The following USP10 variants were observed in gnomAD, a reference collection of about 807,000 sequenced individuals.
USP10 encodes ubiquitin carboxyl-terminal hydrolase 10.
Under a neutral mutation model 84.5 loss-of-function variants are expected in USP10, and 22 were observed. The ratio of observed to expected loss-of-function variants is 0.26; its 90% CI spans 0.19 to 0.37. USP10 has a LOEUF of 0.37. Ranked by LOEUF, USP10 falls within the 10% of genes least tolerant of loss-of-function variation. The pLI is 1.00. For missense variants in USP10, 1,019 were observed against 998.9 expected (o/e 1.02, Z -0.27); for synonymous variants, 454 against 387.6 (o/e 1.17, Z -2.01).
chr16:84,772,742 G>C (rs1914589999), intron 12 of USP10, 57 bp downstream of exon 12: 1 of 1,595,834 alleles, frequency 6.3e-7, no homozygotes, highest in Non-Finnish European at 8.6e-7. Context: ...CACATCAGAA[G>C]CTCAACCCTG....
intron 4 of USP10, among the ~76,000 whole-genome samples, chr16:84,748,014 C>T (rs760028733): frequency 1.6e-4 from 24 of 151,292 alleles, no homozygotes; most frequent in Non-Finnish European, 2.2e-4. Flanking sequence ...ATCAGCCAGG[C>T]GTGGTGGCGG....
intron 10 of USP10, 99 bp downstream of exon 10, chr16:84,764,362 A>T (rs1405243772): frequency 1.3e-6 from 2 of 1,500,934 alleles, no homozygotes; most frequent in East Asian, 2.3e-5. Context: ...GACTTCTTGG[A>T]CGTAATGGTT....
At chr16:84,774,215 C>A (rs1471321505) in intron 12 of USP10, among the ~76,000 whole-genome samples, 1 of 151,784 alleles carries the variant, frequency 6.6e-6, no homozygotes, top group Non-Finnish European at 1.5e-5. Flanking sequence ...TGCACTCCAG[C>A]CTGGGCAACA....
chr16:84,774,981 T>C (rs927204147), intron 12 of USP10, among the ~76,000 whole-genome samples, 179 bp from the exon 13 acceptor site: 13 of 152,204 alleles, frequency 8.5e-5, no homozygotes, highest in Admixed American at 6.5e-4. Context: ...TCCTATTACG[T>C]CACATGGCTC....
intron 11 of USP10, among the ~76,000 whole-genome samples, chr16:84,769,272 C>G (rs9921311): frequency 0.013 from 1,938 of 152,274 alleles, 44 homozygotes; most frequent in African/African-American, 0.045. Flanking sequence ...ATCTTGTGTG[C>G]TCTGAGTCAG....
chr16:84,715,009 A>C (rs563348301), intron 1 of USP10, among the ~76,000 whole-genome samples: 268 of 151,504 alleles, frequency 1.8e-3, no homozygotes, highest in African/African-American at 6.2e-3. Context: ...GCTCACTGCA[A>C]CCTCTGCCTC....
chr16:84,719,281 G>A (rs1310467331), intron 1 of USP10, among the ~76,000 whole-genome samples: 1 of 152,152 alleles, frequency 6.6e-6, no homozygotes. Context: ...ACTGAATGGA[G>A]AAGTAGCTCC....
At chr16:84,746,003 A>G (rs1911183552) in intron 4 of USP10, among the ~76,000 whole-genome samples, 1 of 151,996 alleles carries the variant, frequency 6.6e-6, no homozygotes, top group South Asian at 2.1e-4. Flanking sequence ...TCTGTGATAT[A>G]CCTTTGGTAT....
rs568078546 is a variant in USP10, at chr16:84,772,204, A to G, written c.1999-337A>G. ...GTAGCTGGGGTTACAGGCGCCCACCACCACGCCTGGCTAATTTTGTATTTT... is the reference window on the plus strand; with the variant it reads ...GTAGCTGGGGTTACAGGCGCCCACCGCCACGCCTGGCTAATTTTGTATTTT... On this transcript the variant is annotated intron_variant, in intron 11 of 13. Transcript: ENST00000219473. 3.8e-4 allele frequency among the ~76,000 whole-genome samples: 58 copies of G among 152,036 alleles called. 1 individual carries two copies. In the South Asian group the frequency reaches 5.2e-3, roughly 14 times the overall value.
intron 4 of USP10, among the ~76,000 whole-genome samples, chr16:84,757,772 A>G (rs751465865): frequency 2.0e-5 from 3 of 152,134 alleles, no homozygotes; most frequent in South Asian, 4.1e-4. Context: ...TGGCTATGCT[A>G]CCTGGCTCCT....
In USP10 at chr16:84,740,364, C is replaced by T. The variant is rs777947257; in HGVS notation, c.146C>T (p.Pro49Leu). 1.2e-6 allele frequency: 2 copies of T among 1,612,496 alleles called. No homozygotes were observed. Among genetic ancestry groups the T allele is most frequent in the South Asian group, 1.1e-5 (1 of 90,920 alleles). ...LCGTQAVDKL[P>L]DGQEYQRIEF... The stretch of plus-strand genomic sequence containing the variant: ...GGCACACAGGCTGTGGATAAACTAC[C>T]TGATGGTAAGCTAGTTCTCTCCTTA... The change falls in exon 3 of 14, where the codon CCT (proline) becomes CTT (leucine). Residue 49 changes from proline (P) to leucine (L), a missense_variant. By Grantham distance (98) the Pro-to-Leu change is moderately conservative. Transcript: ENST00000219473.
chr16:84,775,308 A>G (rs1258876607), intron 13 of USP10, 83 bp downstream of exon 13: 5 of 1,384,092 alleles, frequency 3.6e-6, no homozygotes, highest in African/African-American at 1.4e-5. Flanking sequence ...GCTGCAACTT[A>G]GCATAGCGAC....
chr16:84,757,549 C>A (rs1451637133), intron 4 of USP10, among the ~76,000 whole-genome samples: 1 of 151,908 alleles, frequency 6.6e-6, no homozygotes, highest in Non-Finnish European at 1.5e-5. Flanking sequence ...TGAGCGATGC[C>A]TTAGATGGAT....
intron 1 of USP10, chr16:84,704,797 G>T: frequency 6.5e-7 from 1 of 1,535,554 alleles, no homozygotes; most frequent in South Asian, 1.2e-5. Flanking sequence ...AGCTCTACCA[G>T]CACTGCCATT....
chr16:84,727,462 AC>A (rs1284634599), intron 1 of USP10, among the ~76,000 whole-genome samples: 5 of 71,312 alleles, frequency 7.0e-5, no homozygotes, highest in African/African-American at 1.2e-4. Flanking sequence ...CTTTAAAAAA[AC>A]AAACAAACAA....
chr16:84,715,715 C>G (rs1306576158), intron 1 of USP10, among the ~76,000 whole-genome samples: 2 of 152,122 alleles, frequency 1.3e-5, no homozygotes. Context: ...TTTAGTGGCT[C>G]ATGTAACTAG....
rs947440331 is a variant in USP10, at chr16:84,735,207, G to A, written c.90+1704G>A. Among the ~76,000 whole-genome samples, 33 of 62,416 alleles carry A rather than the reference G, an allele frequency of 5.3e-4. 1 individual carries two copies. The highest frequency in any genetic ancestry group is 8.8e-3 in the Middle Eastern group (1 of 114). The allele number at this position is 62,416 out of a possible 152,430, so 40.9% of individuals were successfully genotyped here. On this transcript the variant is annotated intron_variant, in intron 2 of 13. Coordinates refer to ENST00000219473, the MANE Select transcript of USP10 (RefSeq NM_005153.3). The stretch of plus-strand genomic sequence containing the variant: ...TGCCAGGCCCGGGTGGTGTGTGTGT[G>A]TGTGTGTGTGTGTGTGTGTGTGTGT...
chr16:84,727,984 G>C (rs8063704), intron 1 of USP10, among the ~76,000 whole-genome samples: 3,132 of 152,294 alleles, frequency 0.021, 102 homozygotes, highest in African/African-American at 0.071. Context: ...AATGTATTTA[G>C]TTATCATGTC....
chr16:84,715,489 G>C (rs983919679), intron 1 of USP10, among the ~76,000 whole-genome samples: 2 of 152,182 alleles, frequency 1.3e-5, no homozygotes, highest in African/African-American at 4.8e-5. Flanking sequence ...TAGGATCTCC[G>C]CCTCCCAAAG....
Sources: allele counts gnomAD v4.1 joint callset (sites outside exome capture counted in the v4.1 genomes callset), GRCh38; gene constraint gnomAD v4.1.1; transcripts MANE v1.5; gene names NCBI Gene and HGNC (gene_info 2026-07-23, HGNC 2026-07-21).